Variants in REEP3 observed in about 807,000 individuals in gnomAD.
REEP3 encodes the protein receptor expression-enhancing protein 3.
REEP3 carries 20 observed loss-of-function variants against 41.3 expected under a neutral mutation model. That is an observed-to-expected ratio of 0.48 (90% CI 0.34 to 0.70). The LOEUF (loss-of-function observed/expected upper bound fraction) is 0.70, where lower values mean the gene tolerates loss of function less well. REEP3 is among the 30% of genes least tolerant of loss of function. The probability of loss-of-function intolerance (pLI) is 0.01; values close to 1 mark genes in which losing one functional copy is unlikely to be tolerated. For missense variants in REEP3, 271 were observed against 308.8 expected (o/e 0.88, Z 0.92); for synonymous variants, 104 against 101.8 (o/e 1.02, Z -0.13).
chr10:63,589,537 G>A (rs1415127887), intron 2 of REEP3, among the ~76,000 whole-genome samples: 4 of 152,054 alleles, frequency 2.6e-5, no homozygotes, highest in South Asian at 2.1e-4. Context: ...AGCTGTGACC[G>A]TGGCTCTCAC....
intron 2 of REEP3, among the ~76,000 whole-genome samples, chr10:63,569,436 ATTTGTGCTTACGGTATTCTCCAATC>A (rs1955833393): frequency 6.7e-6 from 1 of 148,270 alleles, no homozygotes; most frequent in Non-Finnish European, 1.5e-5. Context: ...TTGTATATAT[ATTTGTGCTTACGGTATTCTCCAATC>A]TTTTCTCCCA....
At chr10:63,590,576 G>T (rs1432035261) in intron 2 of REEP3, among the ~76,000 whole-genome samples, 2 of 152,014 alleles carry the variant, frequency 1.3e-5, no homozygotes, top group Non-Finnish European at 2.9e-5. Flanking sequence ...TAGAAGGGAG[G>T]TGCAGAATAT....
At chr10:63,610,460 A>T in intron 6 of REEP3, 126 bp downstream of exon 6, 1 of 852,718 alleles carries the variant, frequency 1.2e-6, no homozygotes, top group Non-Finnish European at 1.8e-6. Flanking sequence ...TACCTAATGC[A>T]TACGGGGCTT....
chr10:63,545,678 C>CTTTTT, intron 1 of REEP3, among the ~76,000 whole-genome samples: 1 of 84,594 alleles, frequency 1.2e-5, no homozygotes, highest in Non-Finnish European at 2.3e-5. Context: ...TGGCCAACTT[C>CTTTTT]TGTTTTTTTT....
At chr10:63,595,253 C>T (rs1956103062) in intron 3 of REEP3, among the ~76,000 whole-genome samples, 1 of 152,250 alleles carries the variant, frequency 6.6e-6, no homozygotes, top group Admixed American at 6.5e-5. Flanking sequence ...CTCTCATCTA[C>T]AAACATTTGA....
intron 1 of REEP3, among the ~76,000 whole-genome samples, chr10:63,541,207 C>T (rs923561497): frequency 6.6e-6 from 1 of 152,104 alleles, no homozygotes; most frequent in African/African-American, 2.4e-5. Flanking sequence ...ATTTTATAGT[C>T]TCAATTTTTC....
At position 63,619,682 on chromosome 10, in the gene REEP3, A is replaced by G. The variant is rs968995371; in HGVS notation, c.593A>G (p.Asp198Gly). The change falls in exon 7 of 8, where the codon GAT (aspartate) becomes GGT (glycine). Residue 198 changes from aspartate to glycine, a missense_variant. Coordinates refer to ENST00000373758, the MANE Select transcript of REEP3 (RefSeq NM_001001330.3). ...AGYGIPLKDG[D>G]EKTDEEAEGP... The stretch of plus-strand genomic sequence containing the variant: ...TATGGAATTCCACTGAAAGACGGAG[A>G]TGAGAAAACAGATGAAGAAGCAGAG... 1 of 1,604,324 alleles carries G rather than the reference A, an allele frequency of 6.2e-7. No individual in the cohort carries two copies. Among genetic ancestry groups the G allele is most frequent in the Non-Finnish European group, 8.5e-7 (1 of 1,175,234 alleles).
chr10:63,595,768 G>A (rs1404845287), intron 3 of REEP3, among the ~76,000 whole-genome samples: 1 of 152,094 alleles, frequency 6.6e-6, no homozygotes, highest in Non-Finnish European at 1.5e-5. Context: ...AATAGAGACG[G>A]GGTTTCACCA....
chr10:63,621,375 C>A lies in REEP3; in HGVS notation c.*506C>A, dbSNP rs1466761190. The A allele has an allele frequency of 6.6e-6, 1 of 152,524 alleles. No homozygotes were observed. The highest frequency in any genetic ancestry group is 1.5e-5 in the Non-Finnish European group (1 of 68,022). 9.4% of individuals were successfully genotyped at this position (152,524 alleles called of 1,614,324 possible). A position where few individuals can be genotyped will look rare whatever the true frequency, so the allele number is the denominator to read the frequency against. On this transcript the variant is annotated 3_prime_UTR_variant, in exon 8 of 8. Coordinates refer to ENST00000373758, the MANE Select transcript of REEP3 (RefSeq NM_001001330.3). ...ACTTATATAATACTTTCTAGTTTTTCCACCATCAGCTGAAAGTTTTTGAAA... is the reference window on the plus strand; with the variant it reads ...ACTTATATAATACTTTCTAGTTTTTACACCATCAGCTGAAAGTTTTTGAAA...
intron 3 of REEP3, among the ~76,000 whole-genome samples, chr10:63,596,596 G>A (rs996630954): frequency 1.3e-5 from 2 of 152,118 alleles, no homozygotes; most frequent in African/African-American, 2.4e-5. Flanking sequence ...CTACATTTAT[G>A]TGGTTCTCAC....
At chr10:63,530,566 A>G (rs1237436175) in intron 1 of REEP3, among the ~76,000 whole-genome samples, 1 of 152,182 alleles carries the variant, frequency 6.6e-6, no homozygotes, top group African/African-American at 2.4e-5. Context: ...ATTCTAAACT[A>G]TTGGGTCTTG....
chr10:63,624,771 A>G lies in REEP3; in HGVS notation c.*3902A>G, dbSNP rs989114302. 6.6e-6 allele frequency: 1 copy of G among 152,130 alleles called. No homozygotes were observed. The highest frequency in any genetic ancestry group is 2.4e-5 in the African/African-American group (1 of 41,452). The allele number at this position is 152,130 out of a possible 1,614,324, so 9.4% of individuals were successfully genotyped here. Reference sequence around the variant, plus strand: ...AGAAATACTGAATTGTTAAATTTGGATGTTAGAAAGGAAAGATAGGAAAAA... The same window carrying G: ...AGAAATACTGAATTGTTAAATTTGGGTGTTAGAAAGGAAAGATAGGAAAAA... On this transcript the variant is annotated 3_prime_UTR_variant, in exon 8 of 8. Transcript: ENST00000373758.
At position 63,585,026 on chromosome 10, in the gene REEP3, G is replaced by T. The variant is rs149578068; in HGVS notation, c.106-9752G>T. ...CATTAATAGCTTCATAATTCAAAGA[G>T]TCTGTAATTAAGAGAGTTTGAAGAG... is the stretch of plus-strand genomic sequence containing the variant. On this transcript the variant is annotated intron_variant, in intron 2 of 7. Coordinates refer to ENST00000373758, the MANE Select transcript of REEP3 (RefSeq NM_001001330.3). 7.4e-3 allele frequency among the ~76,000 whole-genome samples: 1,123 copies of T among 152,264 alleles called. 13 individuals carry two copies. The highest frequency in any genetic ancestry group is 0.012 in the Non-Finnish European group (838 of 68,022).
chr10:63,527,984 G>A (rs189233313), intron 1 of REEP3, among the ~76,000 whole-genome samples: 11 of 148,936 alleles, frequency 7.4e-5, no homozygotes, highest in Admixed American at 2.7e-4. Flanking sequence ...GTAACTCAAC[G>A]GCCACTCCCT....
Position 63,610,393 on chromosome 10 carries a change from A to G in REEP3, c.565+59A>G. ...ACATGGAAACAGGGAGGGGAACAACATACACTGGGGCCTGTCGGGGGGTGG... is the reference window on the plus strand; with the variant it reads ...ACATGGAAACAGGGAGGGGAACAACGTACACTGGGGCCTGTCGGGGGGTGG... On this transcript the variant is annotated intron_variant, in intron 6 of 7. Transcript: ENST00000373758. 5 of 1,495,392 alleles carry G rather than the reference A, an allele frequency of 3.3e-6. No individual in the cohort carries two copies. In the South Asian group the frequency reaches 4.9e-5, roughly 15 times the overall value. The allele number at this position is 1,495,392 out of a possible 1,614,324, so 92.6% of individuals were successfully genotyped here.
At chr10:63,578,851 T>C (rs999188037) in intron 2 of REEP3, among the ~76,000 whole-genome samples, 2 of 152,194 alleles carry the variant, frequency 1.3e-5, no homozygotes, top group African/African-American at 4.8e-5. Flanking sequence ...AACATTTAAT[T>C]GTAGCTGACA....
chr10:63,596,659 C>CA (rs946343003), intron 3 of REEP3, among the ~76,000 whole-genome samples: 5 of 151,960 alleles, frequency 3.3e-5, no homozygotes, highest in African/African-American at 4.8e-5. Flanking sequence ...TTTGCTGTGG[C>CA]AAAAAAACAA....
intron 5 of REEP3, among the ~76,000 whole-genome samples, chr10:63,607,400 C>G (rs1017172471): frequency 9.9e-5 from 15 of 152,256 alleles, no homozygotes; most frequent in East Asian, 1.9e-4. Context: ...TTAAATCCAG[C>G]CTTTAGATAG....
intron 2 of REEP3, among the ~76,000 whole-genome samples, chr10:63,584,393 G>A (rs1232504000): frequency 6.0e-5 from 8 of 133,282 alleles, no homozygotes; most frequent in Admixed American, 1.7e-4. Flanking sequence ...TCAATCCTAA[G>A]CTAACATATT....
Sources: gnomAD v4.1 joint callset for allele counts (sites outside exome capture counted in the v4.1 genomes callset) on GRCh38, gnomAD v4.1.1 for gene constraint, MANE v1.5 for transcripts, NCBI Gene and HGNC (gene_info 2026-07-23, HGNC 2026-07-21) for gene names.